The following ALK variants were observed in gnomAD, a reference collection of about 807,000 sequenced individuals.
The protein encoded by ALK is ALK receptor tyrosine kinase.
A neutral mutation model predicts 163.1 loss-of-function variants in ALK; 74 were observed. The ratio of observed to expected loss-of-function variants is 0.45; its 90% CI spans 0.38 to 0.55. The LOEUF is 0.55. Among genes scored for constraint, ALK ranks in the 20% least tolerant of loss-of-function variants. The probability of loss-of-function intolerance (pLI) is 0.00; values close to 1 mark genes in which losing one functional copy is unlikely to be tolerated. For synonymous variants in ALK, 960 were observed against 843.2 expected (o/e 1.14, Z -2.40); for missense variants, 2,063 against 2,105.3 (o/e 0.98, Z 0.39).
In ALK at chr2:29,570,674, C is replaced by T. The variant is rs573381678; in HGVS notation, c.953-38558G>A. The stretch of plus-strand genomic sequence containing the variant: ...GGGCAAGGATCCTCAAAGCCTCTGA[C>T]GGGCATAGCTTATCTCTTTTAGACG... On this transcript the variant is annotated intron_variant, in intron 3 of 28. Coordinates refer to ENST00000389048, the MANE Select transcript of ALK (RefSeq NM_004304.5). Among the ~76,000 whole-genome samples, 11 of 152,282 alleles carry T rather than the reference C, an allele frequency of 7.2e-5. No homozygotes were observed. The South Asian group carries it at 1.9e-3, about 26-fold the overall frequency.
intron 4 of ALK, among the ~76,000 whole-genome samples, chr2:29,501,795 G>A (rs931088709): frequency 3.9e-5 from 6 of 152,158 alleles, no homozygotes; most frequent in African/African-American, 1.4e-4. Context: ...TCCATCTCTA[G>A]AACATTTCTC....
chr2:29,906,877 CAGGG>C (rs1667561227), intron 1 of ALK, among the ~76,000 whole-genome samples: 1 of 148,808 alleles, frequency 6.7e-6, no homozygotes, highest in South Asian at 2.1e-4. Context: ...CAACAGGTAA[CAGGG>C]AAGCCTTGGA....
chr2:29,325,759 C>G lies in ALK; in HGVS notation c.1414+2591G>C, dbSNP rs147910743. ...TGAGCTTCAGCTTCCTTGTCTCTAACAAAGATGGGTACAATAGCATCACAC... is the reference window on the plus strand; with the variant it reads ...TGAGCTTCAGCTTCCTTGTCTCTAAGAAAGATGGGTACAATAGCATCACAC... On this transcript the variant is annotated intron_variant, in intron 6 of 28. Transcript: ENST00000389048. Among the ~76,000 whole-genome samples the G allele has an allele frequency of 5.9e-4, 90 of 152,308 alleles. No individual in the cohort carries two copies. In the East Asian group the frequency reaches 7.5e-3, roughly 13 times the overall value.
intron 1 of ALK, among the ~76,000 whole-genome samples, chr2:29,789,568 C>T (rs1250912379): frequency 6.6e-6 from 1 of 152,192 alleles, no homozygotes; most frequent in Non-Finnish European, 1.5e-5. Context: ...ATGAAAGATG[C>T]CAGCCTGGAT....
chr2:29,752,017 A>C (rs1424135691), intron 1 of ALK, among the ~76,000 whole-genome samples: 4 of 152,184 alleles, frequency 2.6e-5, no homozygotes, highest in African/African-American at 9.7e-5. Context: ...ATAATAGCAC[A>C]AAGCTAACAT....
chr2:29,706,010 C>G (rs1678901814), intron 2 of ALK, among the ~76,000 whole-genome samples: 1 of 152,194 alleles, frequency 6.6e-6, no homozygotes, highest in African/African-American at 2.4e-5. Flanking sequence ...TTTGCGATGG[C>G]TGATTGAGCT....
intron 4 of ALK, among the ~76,000 whole-genome samples, chr2:29,402,163 T>A (rs11690456): frequency 6.6e-6 from 1 of 152,174 alleles, no homozygotes; most frequent in Non-Finnish European, 1.5e-5. Flanking sequence ...GCCCAAACTC[T>A]GCTGAAAGCC....
chr2:29,796,739 T>C (rs1243183283), intron 1 of ALK, among the ~76,000 whole-genome samples: 1 of 152,028 alleles, frequency 6.6e-6, no homozygotes, highest in African/African-American at 2.4e-5. Flanking sequence ...CTCAGAAAGA[T>C]GCAAATGGAG....
rs114916715 is a variant in ALK at position 29,635,850 on chromosome 2, C to T, written c.952+59000G>A. 8.2e-3 allele frequency among the ~76,000 whole-genome samples: 1,250 copies of T among 151,868 alleles called. 19 individuals carry two copies. The highest frequency in any genetic ancestry group is 0.028 in the African/African-American group (1,168 of 41,404). On this transcript the variant is annotated intron_variant, in intron 3 of 28. Coordinates refer to ENST00000389048, the MANE Select transcript of ALK (RefSeq NM_004304.5). The stretch of plus-strand genomic sequence containing the variant: ...TCTATCATGTTGGCCAGACTGGTCA[C>T]GAACTCCTGACCTCAAGTAATCCAC...
intron 3 of ALK, among the ~76,000 whole-genome samples, chr2:29,649,578 G>A (rs35339816): frequency 6.6e-6 from 1 of 152,168 alleles, no homozygotes; most frequent in African/African-American, 2.4e-5. Context: ...GGGCATGCCA[G>A]TCTCCTTGAG....
In ALK at chr2:29,275,190, G is replaced by C; in HGVS notation, c.1950C>G (p.Pro650=). 1 of 1,614,102 alleles carries C rather than the reference G, an allele frequency of 6.2e-7. No individual in the cohort carries two copies. Among genetic ancestry groups the C allele is most frequent in the Non-Finnish European group, 8.5e-7 (1 of 1,180,038 alleles). ...GEDKILQNTA[P]KSRNLFERNP... The stretch of plus-strand genomic sequence containing the variant: ...TTCTCTCAAACAGGTTTCTTGATTT[G>C]GGTGCTGTATTCTGCAGGATCTTGT... Residue 650 remains proline, a synonymous_variant, in exon 11 of 29, where the codon CCC becomes CCG. Coordinates refer to ENST00000389048, the MANE Select transcript of ALK (RefSeq NM_004304.5).
At chr2:29,338,588 C>T (rs1247854660) in intron 5 of ALK, among the ~76,000 whole-genome samples, 1 of 152,214 alleles carries the variant, frequency 6.6e-6, no homozygotes, top group Non-Finnish European at 1.5e-5. Flanking sequence ...ACGCATCTCC[C>T]TCTGGGGTGC....
Position 29,227,149 on chromosome 2 carries a change from G to A in ALK, c.2915-75C>T, listed in dbSNP as rs2148178964. The A allele has an allele frequency of 1.2e-6, 2 of 1,602,294 alleles. No individual in the cohort carries two copies. The highest frequency in any genetic ancestry group is 8.5e-7 in the Non-Finnish European group (1 of 1,170,570). ...TCCCAGCCTCAGTACTATGTCTCCAGGTGGTCACTGTGGGTGCTCTGGTGG... is the reference window on the plus strand; with the variant it reads ...TCCCAGCCTCAGTACTATGTCTCCAAGTGGTCACTGTGGGTGCTCTGGTGG... On this transcript the variant is annotated intron_variant, in intron 17 of 28. Transcript: ENST00000389048. This position sits in a 1 kb window ranked among gnomAD's most constrained non-coding sequence, Gnocchi z 4.4.
At chr2:29,761,451 C>A (rs772714855) in intron 1 of ALK, among the ~76,000 whole-genome samples, 6 of 152,188 alleles carry the variant, frequency 3.9e-5, no homozygotes, top group Non-Finnish European at 7.3e-5. Context: ...AGCTCTCCCC[C>A]TTCTCAGCTG....
chr2:29,487,620 A>C (rs1485233108), intron 4 of ALK, among the ~76,000 whole-genome samples: 1 of 152,202 alleles, frequency 6.6e-6, no homozygotes, highest in Non-Finnish European at 1.5e-5. Flanking sequence ...TTTGAGGCTC[A>C]GTTTCCTAAT....
chr2:29,380,576 G>T (rs984847057), intron 5 of ALK, among the ~76,000 whole-genome samples: 1 of 152,088 alleles, frequency 6.6e-6, no homozygotes, highest in Non-Finnish European at 1.5e-5. Flanking sequence ...GTGCCACCAC[G>T]CCTGGCTAAT....
intron 5 of ALK, among the ~76,000 whole-genome samples, chr2:29,344,591 C>A (rs1667893053): frequency 6.6e-6 from 1 of 152,226 alleles, no homozygotes; most frequent in African/African-American, 2.4e-5. Context: ...AGCCCACACA[C>A]CTCTTGATCT....
At chr2:29,794,840 T>C (rs1039682911) in intron 1 of ALK, among the ~76,000 whole-genome samples, 1 of 152,084 alleles carries the variant, frequency 6.6e-6, no homozygotes. Context: ...TTAACGATGT[T>C]TGAGATATTG....
At chr2:29,396,972 C>T (rs776012337) in intron 4 of ALK, among the ~76,000 whole-genome samples, 2 of 149,224 alleles carry the variant, frequency 1.3e-5, no homozygotes, top group Non-Finnish European at 3.0e-5. Context: ...GAGTGCCAAA[C>T]CCTGTCTGAG....
Sources: gnomAD v4.1 joint callset for allele counts (sites outside exome capture counted in the v4.1 genomes callset) on GRCh38, gnomAD v4.1.1 for gene constraint, Gnocchi (gnomAD v3.1) non-coding constraint, MANE v1.5 for transcripts, NCBI Gene and HGNC (gene_info 2026-07-23, HGNC 2026-07-21) for gene names.